RNF220: variants seen among roughly 807,000 people sequenced by gnomAD.
The protein encoded by RNF220 is E3 ubiquitin-protein ligase RNF220.
RNF220 carries 7 observed loss-of-function variants against 67.1 expected under a neutral mutation model. The observed-to-expected ratio is 0.10, with a 90% CI of 0.06 to 0.20. The LOEUF (loss-of-function observed/expected upper bound fraction) is 0.20. RNF220 is among the 10% of genes least tolerant of loss of function. The pLI is 1.00. For synonymous variants in RNF220, 270 were observed against 283.2 expected (o/e 0.95, Z 0.47); for missense variants, 565 against 740.3 (o/e 0.76, Z 2.75).
intron 2 of RNF220, among the ~76,000 whole-genome samples, chr1:44,439,161 A>G (rs2147891377): frequency 6.6e-6 from 1 of 152,326 alleles, no homozygotes; most frequent in South Asian, 2.1e-4. Context: ...GCATATTTAA[A>G]TCTTTATGCC....
chr1:44,636,438 C>G (rs1169191782), intron 8 of RNF220: 5 of 717,858 alleles, frequency 7.0e-6, no homozygotes. Flanking sequence ...TTGAAGGTGA[C>G]AGCCAAGCCG....
intron 2 of RNF220, among the ~76,000 whole-genome samples, chr1:44,436,558 G>A (rs1430145228): frequency 6.6e-6 from 1 of 152,078 alleles, no homozygotes; most frequent in Non-Finnish European, 1.5e-5. Context: ...TGAACCATGT[G>A]GTTTCTGAGT....
chr1:44,651,061 T>C lies in RNF220; in HGVS notation c.*286T>C. The C allele has an allele frequency of 2.1e-6, 1 of 466,994 alleles. No homozygotes were observed. Among genetic ancestry groups the C allele is most frequent in the Non-Finnish European group, 4.0e-6 (1 of 250,682 alleles). 28.9% of individuals were successfully genotyped at this position (466,994 alleles called of 1,614,324 possible). A position where few individuals can be genotyped will look rare whatever the true frequency, so the allele number is the denominator to read the frequency against. ...GGCAGGGAGGTGGGGGTTGGGGGAG[T>C]AGTGGGGCACGGCTCCTAAGATCCA... On this transcript the variant is annotated 3_prime_UTR_variant, in exon 15 of 15. Transcript: ENST00000361799.
chr1:44,569,352 C>T (rs548959061), intron 2 of RNF220, among the ~76,000 whole-genome samples: 6 of 152,212 alleles, frequency 3.9e-5, no homozygotes, highest in South Asian at 4.1e-4. Flanking sequence ...AGCAGAAAAT[C>T]GCCTGGGAAA....
rs746015309 is a variant in RNF220, at chr1:44,412,576, G to A, written c.479G>A (p.Gly160Asp). 2.5e-6 allele frequency: 4 copies of A among 1,614,042 alleles called. No individual in the cohort carries two copies. The highest frequency in any genetic ancestry group is 3.4e-6 in the Non-Finnish European group (4 of 1,180,032). The change falls in exon 2 of 15, where the codon GGC becomes GAC. Residue 160 changes from glycine to aspartate, a missense_variant. Gly to Asp is a moderately conservative substitution (Grantham distance 94). Transcript: ENST00000361799. The surrounding 1 kb of genome is among the most constrained non-coding windows in gnomAD (Gnocchi z 5.3). Reference protein sequence around the residue: ...SPHLRFSDADGKEYDFGTQLP... With the variant: ...SPHLRFSDADDKEYDFGTQLP... ...CACTTGCGCTTCTCAGATGCAGATGGCAAGGAATATGACTTTGGGACACAG... is the reference window on the plus strand; with the variant it reads ...CACTTGCGCTTCTCAGATGCAGATGACAAGGAATATGACTTTGGGACACAG...
chr1:44,540,492 C>T (rs957718191), intron 2 of RNF220, among the ~76,000 whole-genome samples: 1 of 152,130 alleles, frequency 6.6e-6, no homozygotes, highest in African/African-American at 2.4e-5. Flanking sequence ...TTATCGCACG[C>T]TGAAATGATT....
chr1:44,626,705 G>C lies in RNF220; in HGVS notation c.906+307G>C, dbSNP rs146432632. ...GGGGTTTGGTTTCATAAGAGACCCA[G>C]ATACATAGCCCAGAATCACCTGAAG... On this transcript the variant is annotated intron_variant, in intron 5 of 14. Coordinates refer to ENST00000361799, the MANE Select transcript of RNF220 (RefSeq NM_018150.4). 139 of 322,778 alleles carry C rather than the reference G, an allele frequency of 4.3e-4. 4 individuals carry two copies. In the East Asian group the frequency reaches 8.2e-3, roughly 19 times the overall value. 20.0% of individuals were successfully genotyped at this position (322,778 alleles called of 1,614,324 possible).
chr1:44,437,015 G>T (rs1651044746), intron 2 of RNF220, among the ~76,000 whole-genome samples: 1 of 152,218 alleles, frequency 6.6e-6, no homozygotes, highest in Admixed American at 6.5e-5. Context: ...ACTTAGAAAA[G>T]ATAGGTCATT....
chr1:44,558,709 A>T (rs1336644933), intron 2 of RNF220, among the ~76,000 whole-genome samples: 1 of 152,186 alleles, frequency 6.6e-6, no homozygotes, highest in Non-Finnish European at 1.5e-5. Flanking sequence ...TAGAATTCAG[A>T]CCTAGGTGTG....
chr1:44,647,842 C>T (rs1161291820), intron 12 of RNF220, among the ~76,000 whole-genome samples: 8 of 152,208 alleles, frequency 5.3e-5, no homozygotes, highest in East Asian at 3.8e-4. Flanking sequence ...CCAAAGTCCA[C>T]GTCCCTTATG....
chr1:44,479,690 AGGAT>A (rs1339892942), intron 2 of RNF220, among the ~76,000 whole-genome samples: 1 of 152,242 alleles, frequency 6.6e-6, no homozygotes, highest in Non-Finnish European at 1.5e-5. Context: ...CTTTAGCCCC[AGGAT>A]GGATCTTAAT....
chr1:44,576,766 T>C (rs759975313), intron 2 of RNF220, among the ~76,000 whole-genome samples: 5 of 152,220 alleles, frequency 3.3e-5, no homozygotes, highest in Non-Finnish European at 7.3e-5. Flanking sequence ...GCCAGTTTTT[T>C]CGTCTCTGAC....
intron 2 of RNF220, among the ~76,000 whole-genome samples, chr1:44,529,512 C>G (rs1241881346): frequency 6.6e-6 from 1 of 151,998 alleles, no homozygotes; most frequent in East Asian, 1.9e-4. Context: ...GTAGCTGGAA[C>G]TACAGGCAAG....
At chr1:44,476,475 G>C (rs1178563112) in intron 2 of RNF220, among the ~76,000 whole-genome samples, 1 of 152,198 alleles carries the variant, frequency 6.6e-6, no homozygotes, top group Non-Finnish European at 1.5e-5. Flanking sequence ...GAAACAATGA[G>C]CTTAGCTGGG....
chr1:44,575,309 A>G (rs1664727316), intron 2 of RNF220, among the ~76,000 whole-genome samples: 1 of 152,206 alleles, frequency 6.6e-6, no homozygotes, highest in South Asian at 2.1e-4. Flanking sequence ...TCACTTAAAC[A>G]ATGATCTTCA....
At chr1:44,588,744 T>C (rs1248928842) in intron 2 of RNF220, among the ~76,000 whole-genome samples, 1 of 152,196 alleles carries the variant, frequency 6.6e-6, no homozygotes, top group Non-Finnish European at 1.5e-5. Flanking sequence ...GGGCTGGCTA[T>C]GAGCAGGGCC....
At chr1:44,602,289 A>G (rs536048252) in intron 2 of RNF220, among the ~76,000 whole-genome samples, 23 of 152,276 alleles carry the variant, frequency 1.5e-4, no homozygotes, top group African/African-American at 5.1e-4. Flanking sequence ...CTTGACCTCA[A>G]AGAGTCCAGA....
At chr1:44,578,719 C>T (rs1179533899) in intron 2 of RNF220, among the ~76,000 whole-genome samples, 1 of 152,186 alleles carries the variant, frequency 6.6e-6, no homozygotes, top group African/African-American at 2.4e-5. Context: ...AGACCACAGA[C>T]CCTGATAGTT....
intron 2 of RNF220, among the ~76,000 whole-genome samples, chr1:44,505,836 T>G (rs1658365254): frequency 6.6e-6 from 1 of 152,132 alleles, no homozygotes; most frequent in Non-Finnish European, 1.5e-5. Context: ...GCTGGGTTTT[T>G]CTTTTTTCCT....
Sources: gnomAD v4.1 joint callset for allele counts (sites outside exome capture counted in the v4.1 genomes callset) on GRCh38, gnomAD v4.1.1 for gene constraint, Gnocchi (gnomAD v3.1) non-coding constraint, MANE v1.5 for transcripts, NCBI Gene and HGNC (gene_info 2026-07-23, HGNC 2026-07-21) for gene names.